Variants in TRIO observed in about 807,000 individuals in gnomAD.
TRIO encodes the protein trio Rho guanine nucleotide exchange factor, also known as triple functional domain protein.
Under a neutral mutation model 351.9 loss-of-function variants are expected in TRIO, and 58 were observed. The observed-to-expected ratio is 0.16, with a 90% confidence interval of 0.13 to 0.21. The LOEUF (loss-of-function observed/expected upper bound fraction) is 0.21, where lower values mean the gene tolerates loss of function less well. Among genes scored for constraint, TRIO ranks in the 10% least tolerant of loss-of-function variants. The pLI is 1.00. For synonymous variants in TRIO, 1,758 were observed against 1,595.7 expected, an observed-to-expected ratio of 1.10 and a Z score of -2.42; for missense variants, 3,201 against 4,027.8, an observed-to-expected ratio of 0.79 and a Z score of 5.56.
chr5:14,180,008 G>A (rs886250998), intron 1 of TRIO, among the ~76,000 whole-genome samples: 4 of 147,198 alleles, frequency 2.7e-5, no homozygotes, highest in Non-Finnish European at 4.5e-5. Context: ...GGCTGAGGCT[G>A]GAGAATCGCT....
intron 18 of TRIO, among the ~76,000 whole-genome samples, chr5:14,370,917 A>G (rs1745049933): frequency 6.6e-6 from 1 of 152,214 alleles, no homozygotes; most frequent in African/African-American, 2.4e-5. Context: ...TATTTAGGTA[A>G]AATTACAAAA....
At chr5:14,297,327 T>C (rs1737450126) in intron 7 of TRIO, 64 bp downstream of exon 7, 1 of 1,526,506 alleles carries the variant, frequency 6.6e-7, no homozygotes, top group South Asian at 1.3e-5. Context: ...CCATGAATAT[T>C]GGTGTGTGTG....
intron 34 of TRIO, among the ~76,000 whole-genome samples, chr5:14,430,630 C>G (rs1461459437): frequency 6.6e-6 from 1 of 152,138 alleles, no homozygotes; most frequent in Admixed American, 6.5e-5. Flanking sequence ...TGTATAATCT[C>G]CGCTCTTTCT....
At position 14,286,756 on chromosome 5, in the gene TRIO, T is replaced by C; in HGVS notation, c.348-115T>C. On this transcript the variant is annotated intron_variant, in intron 3 of 56. Transcript: ENST00000344204. The surrounding 1 kb of genome is among the most constrained non-coding windows in gnomAD (Gnocchi z 4.4). Reference sequence around the variant, plus strand: ...AGCACAGTGTGCTCCTTCCCCTGCCTCCGCACGTGTCCAGCAGGGGAGGGA... The same window carrying C: ...AGCACAGTGTGCTCCTTCCCCTGCCCCCGCACGTGTCCAGCAGGGGAGGGA... The C allele has an allele frequency of 9.3e-7, 1 of 1,072,418 alleles. No individual in the cohort carries two copies. The highest frequency in any genetic ancestry group is 1.3e-6 in the Non-Finnish European group (1 of 748,838). 66.4% of individuals were successfully genotyped at this position (1,072,418 alleles called of 1,614,324 possible). A position where few individuals can be genotyped will look rare whatever the true frequency, so the allele number is the denominator to read the frequency against.
intron 1 of TRIO, among the ~76,000 whole-genome samples, chr5:14,237,409 T>G (rs1048141214): frequency 6.6e-6 from 1 of 152,162 alleles, no homozygotes; most frequent in Non-Finnish European, 1.5e-5. Flanking sequence ...GACAGTGATA[T>G]TGTGGGGCTG....
At chr5:14,504,631 T>C in intron 55 of TRIO, 38 bp downstream of exon 55, 2 of 1,604,134 alleles carry the variant, frequency 1.2e-6, no homozygotes, top group Non-Finnish European at 8.5e-7. Context: ...CCCAGCCCTC[T>C]GCCTCCACCT....
intron 1 of TRIO, among the ~76,000 whole-genome samples, chr5:14,228,092 T>A (rs1218409519): frequency 1.3e-5 from 2 of 152,170 alleles, no homozygotes; most frequent in African/African-American, 4.8e-5. Context: ...TCAGGGTTTC[T>A]CATGTCCGAT....
chr5:14,415,036 T>C (rs1280105551), intron 33 of TRIO, among the ~76,000 whole-genome samples: 2 of 152,216 alleles, frequency 1.3e-5, no homozygotes, highest in Non-Finnish European at 2.9e-5. Context: ...TTTTTTGGCC[T>C]ACTCTGTGTG....
rs567031873 is a variant in TRIO at position 14,487,257 on chromosome 5, G to GC, written c.6836-203dup. ...AGTCCGGGATGTGCTGAGGAATGCG[G>GC]CCCCTTCCACCCGCTGCACTCAGCC... On this transcript the variant is annotated intron_variant, in intron 47 of 56. Transcript: ENST00000344204. Among the ~76,000 whole-genome samples the GC allele has an allele frequency of 2.2e-3, 334 of 148,674 alleles. 1 individual carries two copies. Among genetic ancestry groups the GC allele is most frequent in the African/African-American group, 7.9e-3 (327 of 41,272 alleles).
Position 14,509,817 on chromosome 5 carries a change from A to G in TRIO, c.*1395A>G, listed in dbSNP as rs894322930. The G allele has an allele frequency of 5.3e-6, 1 of 187,092 alleles. No homozygotes were observed. Among genetic ancestry groups the G allele is most frequent in the Admixed American group, 5.9e-5 (1 of 16,974 alleles). The allele number at this position is 187,092 out of a possible 1,614,324, so 11.6% of individuals were successfully genotyped here. ...CTCGAAGTTTTCTGGATGTCTTTTT[A>G]TCTTTCTCGTGTGAACTGCACTACA... is the stretch of plus-strand genomic sequence containing the variant. On this transcript the variant is annotated 3_prime_UTR_variant, in exon 57 of 57. Transcript: ENST00000344204.
At chr5:14,307,194 G>A (rs930943614) in intron 8 of TRIO, among the ~76,000 whole-genome samples, 10 of 152,060 alleles carry the variant, frequency 6.6e-5, no homozygotes, top group African/African-American at 9.7e-5. Context: ...ATTTCACTAC[G>A]TTGCTCCACC....
intron 29 of TRIO, 136 bp from the exon 30 acceptor site, chr5:14,398,744 G>A (rs1169981168): frequency 3.0e-5 from 23 of 766,396 alleles, no homozygotes; most frequent in Non-Finnish European, 2.3e-5. Context: ...GTCGAGTCAG[G>A]ATCAGATGGG....
At chr5:14,465,738 A>C in intron 37 of TRIO, 98 bp downstream of exon 37, 1 of 1,362,686 alleles carries the variant, frequency 7.3e-7, no homozygotes, top group East Asian at 2.4e-5. Context: ...TGGGCTGCAG[A>C]ATGTGGCTGT....
Position 14,474,062 on chromosome 5 carries a change from C to T in TRIO, c.6048C>T (p.Phe2016=), listed in dbSNP as rs375203644. Residue 2016 remains phenylalanine, a synonymous_variant, in exon 40 of 57, where the codon TTC becomes TTT. Coordinates refer to ENST00000344204, the MANE Select transcript of TRIO (RefSeq NM_007118.4). ...DDMKGKDKIV[F]GNIHQIYDWH... is the part of the protein sequence containing the mutation. ...TGAAAGGAAAAGACAAAATTGTGTT[C>T]GGCAACATCCATCAGATTTACGACT... 3.0e-5 allele frequency: 49 copies of T among 1,613,090 alleles called. No individual in the cohort carries two copies. In the Admixed American group the frequency reaches 3.5e-4, roughly 12 times the overall value.
rs74964701 is a variant in TRIO at position 14,186,389 on chromosome 5, C to T, written c.157+42507C>T. On this transcript the variant is annotated intron_variant, in intron 1 of 56. Coordinates refer to ENST00000344204, the MANE Select transcript of TRIO (RefSeq NM_007118.4). The stretch of plus-strand genomic sequence containing the variant: ...AGTTTTTCCACTTTGTTCCAGAGCA[C>T]GGTCTAAATTTGGACTCATTGGAAA... 2.9e-3 allele frequency among the ~76,000 whole-genome samples: 435 copies of T among 152,238 alleles called. 2 individuals carry two copies. Among genetic ancestry groups the T allele is most frequent in the African/African-American group, 0.01 (419 of 41,538 alleles).
chr5:14,411,512 A>C (rs6860252), intron 33 of TRIO, among the ~76,000 whole-genome samples: 18,365 of 150,650 alleles, frequency 0.12, 1,646 homozygotes, highest in African/African-American at 0.27. Flanking sequence ...TGAGAAATTC[A>C]GTTGAGACTG....
chr5:14,169,700 A>G (rs1581265001), intron 1 of TRIO, among the ~76,000 whole-genome samples: 1 of 152,178 alleles, frequency 6.6e-6, no homozygotes, highest in Non-Finnish European at 1.5e-5. Flanking sequence ...ATGGTTTTTC[A>G]TGTTGGATTC....
intron 11 of TRIO, among the ~76,000 whole-genome samples, chr5:14,342,855 G>A (rs559055151): frequency 1.3e-5 from 2 of 152,098 alleles, no homozygotes; most frequent in East Asian, 1.9e-4. Context: ...TAATACTATC[G>A]CAAAGATGAA....
chr5:14,351,243 C>G (rs1743065593), intron 11 of TRIO, among the ~76,000 whole-genome samples: 1 of 152,156 alleles, frequency 6.6e-6, no homozygotes, highest in Non-Finnish European at 1.5e-5. Context: ...GCATGTGGAC[C>G]CACAGTACAG....
Sources: allele counts gnomAD v4.1 joint callset (sites outside exome capture counted in the v4.1 genomes callset), GRCh38; gene constraint gnomAD v4.1.1; non-coding constraint Gnocchi (gnomAD v3.1); transcripts MANE v1.5; gene names NCBI Gene and HGNC (gene_info 2026-07-23, HGNC 2026-07-21).